The following PCDH17 variants were observed in gnomAD, a reference collection of about 807,000 sequenced individuals.
PCDH17 encodes protocadherin 17.
In PCDH17, 21 loss-of-function variants were observed where a neutral mutation model predicts 67.7. The observed-to-expected ratio is 0.31, with a 90% CI of 0.22 to 0.45. The LOEUF is 0.45. Ranked by LOEUF, PCDH17 falls within the 20% of genes least tolerant of loss-of-function variation. PCDH17 has a pLI of 1.00. For synonymous variants in PCDH17, 701 were observed against 656.7 expected (o/e 1.07, Z -1.03); for missense variants, 1,471 against 1,564.8 (o/e 0.94, Z 1.01).
chr13:57,709,938 G>A (rs908184165), intron 3 of PCDH17, among the ~76,000 whole-genome samples: 2 of 151,758 alleles, frequency 1.3e-5, no homozygotes, highest in African/African-American at 2.4e-5. Flanking sequence ...TAGTATTTCC[G>A]GAAAAGCTGT....
intron 3 of PCDH17, among the ~76,000 whole-genome samples, chr13:57,691,466 C>G (rs2138062225): frequency 6.6e-6 from 1 of 150,700 alleles, no homozygotes; most frequent in African/African-American, 2.4e-5. Flanking sequence ...ATGGAGGAGA[C>G]CAAAAAAACA....
chr13:57,661,674 T>G (rs1336229476), intron 1 of PCDH17, among the ~76,000 whole-genome samples: 1 of 152,118 alleles, frequency 6.6e-6, no homozygotes, highest in Admixed American at 6.5e-5. Flanking sequence ...GTGTGTCTAA[T>G]GTGTAAGGTA....
intron 3 of PCDH17, among the ~76,000 whole-genome samples, chr13:57,671,155 A>T (rs746532128): frequency 9.9e-5 from 15 of 151,916 alleles, no homozygotes; most frequent in Non-Finnish European, 2.1e-4. Context: ...TATAGTAGGT[A>T]GGAAGGTAGA....
intron 3 of PCDH17, among the ~76,000 whole-genome samples, chr13:57,671,514 A>G (rs1336371021): frequency 1.3e-5 from 2 of 151,988 alleles, no homozygotes; most frequent in African/African-American, 4.8e-5. Flanking sequence ...TTCTTTAAGT[A>G]AGTACTGTAT....
At chr13:57,661,758 A>T (rs1216095175) in intron 1 of PCDH17, among the ~76,000 whole-genome samples, 3 of 152,106 alleles carry the variant, frequency 2.0e-5, no homozygotes, top group Non-Finnish European at 1.5e-5. Flanking sequence ...AACTGTTCAT[A>T]TTTGTGTGGG....
At chr13:57,682,248 C>T (rs1955458437) in intron 3 of PCDH17, among the ~76,000 whole-genome samples, 1 of 151,704 alleles carries the variant, frequency 6.6e-6, no homozygotes, top group African/African-American at 2.4e-5. Context: ...TAACATCTGT[C>T]ATTAAGCCGT....
At chr13:57,661,012 G>C (rs1034808914) in intron 1 of PCDH17, among the ~76,000 whole-genome samples, 2 of 151,858 alleles carry the variant, frequency 1.3e-5, no homozygotes, top group Non-Finnish European at 2.9e-5. Flanking sequence ...ATTTTTTTAG[G>C]GTATATCCCT....
chr13:57,637,462 C>T (rs531623166), intron 1 of PCDH17, among the ~76,000 whole-genome samples: 6 of 150,790 alleles, frequency 4.0e-5, no homozygotes, highest in East Asian at 1.9e-4. Flanking sequence ...ACTAGTGTGT[C>T]GCAAACACAC....
Position 57,632,455 on chromosome 13 carries a change from C to T in PCDH17, c.-92C>T. Reference sequence around the variant, plus strand: ...CCATAGACTTGTGGCTCGCGTCGCGCGCGCACGCTGCGCCAGGGCCCCAGG... The same window carrying T: ...CCATAGACTTGTGGCTCGCGTCGCGTGCGCACGCTGCGCCAGGGCCCCAGG... On this transcript the variant is annotated 5_prime_UTR_variant, in exon 1 of 4. Transcript: ENST00000377918. The T allele has an allele frequency of 7.5e-7, 1 of 1,336,172 alleles. No individual in the cohort carries two copies. Among genetic ancestry groups the T allele is most frequent in the Non-Finnish European group, 1.0e-6 (1 of 986,726 alleles). The allele number at this position is 1,336,172 out of a possible 1,614,324, so 82.8% of individuals were successfully genotyped here.
At chr13:57,657,464 A>G (rs2138009781) in intron 1 of PCDH17, among the ~76,000 whole-genome samples, 1 of 152,252 alleles carries the variant, frequency 6.6e-6, no homozygotes, top group South Asian at 2.1e-4. Flanking sequence ...GTGCTGTCAG[A>G]TAACTTTATG....
upstream of PCDH17, among the ~76,000 whole-genome samples, chr13:57,631,432 C>T (rs555041298): frequency 2.0e-5 from 3 of 152,228 alleles, no homozygotes; most frequent in African/African-American, 7.2e-5. Flanking sequence ...CCATGAGTTG[C>T]CTGTTGATTT....
In PCDH17 at chr13:57,634,912, C is replaced by A; in HGVS notation, c.2366C>A (p.Pro789His). 4.3e-6 allele frequency: 7 copies of A among 1,613,908 alleles called. No individual in the cohort carries two copies. Among genetic ancestry groups the A allele is most frequent in the Non-Finnish European group, 5.9e-6 (7 of 1,179,966 alleles). Reference protein sequence around the residue: ...AMNVMNVVSSPSLATSPMYFD... With the variant: ...AMNVMNVVSSHSLATSPMYFD... ...AACGTCATGAACGTGGTGAGCAGCC[C>A]CTCCCTGGCCACCTCCCCCATGTAC... The change falls in exon 1 of 4, where the codon CCC becomes CAC. Residue 789 changes from proline (P) to histidine (H), a missense_variant. This residue lies in a region of PCDH17 where 1,163 missense variants were observed against 1,230.0 expected (regional missense o/e 0.95). Transcript: ENST00000377918. The surrounding 1 kb of genome is among the most constrained non-coding windows in gnomAD (Gnocchi z 7.8).
At chr13:57,647,119 G>T (rs540417414) in intron 1 of PCDH17, among the ~76,000 whole-genome samples, 2 of 151,798 alleles carry the variant, frequency 1.3e-5, no homozygotes, top group South Asian at 4.1e-4. Context: ...TGCTGGCAAT[G>T]TGACTTCCAA....
intron 3 of PCDH17, among the ~76,000 whole-genome samples, chr13:57,721,140 A>G (rs978834838): frequency 1.7e-4 from 26 of 152,086 alleles, no homozygotes; most frequent in African/African-American, 6.3e-4. Flanking sequence ...TGCAATATAA[A>G]CATGCTTATC....
At chr13:57,637,201 A>C (rs1954834629) in intron 1 of PCDH17, among the ~76,000 whole-genome samples, 1 of 152,046 alleles carries the variant, frequency 6.6e-6, no homozygotes. Flanking sequence ...TAAAGACACA[A>C]ACTATGTTTT....
chr13:57,701,938 G>A (rs933913339), intron 3 of PCDH17, among the ~76,000 whole-genome samples: 4 of 151,378 alleles, frequency 2.6e-5, no homozygotes, highest in Non-Finnish European at 5.9e-5. Context: ...TTTTTTTTTG[G>A]ATGGAGTCTT....
chr13:57,650,758 A>T (rs1955026437), intron 1 of PCDH17, among the ~76,000 whole-genome samples: 1 of 152,182 alleles, frequency 6.6e-6, no homozygotes, highest in African/African-American at 2.4e-5. Context: ...CTGAAAATAG[A>T]GAAAGTTGAA....
At chr13:57,640,091 G>GA (rs750260770) in intron 1 of PCDH17, among the ~76,000 whole-genome samples, 4 of 151,668 alleles carry the variant, frequency 2.6e-5, no homozygotes, top group African/African-American at 4.8e-5. Context: ...ATTTTAAGAG[G>GA]AAAAAACCTT....
At position 57,632,289 on chromosome 13, in the gene PCDH17, T is replaced by C. The variant is rs1954735440; in HGVS notation, c.-258T>C. On this transcript the variant is annotated 5_prime_UTR_variant, in exon 1 of 4. Coordinates refer to ENST00000377918, the MANE Select transcript of PCDH17 (RefSeq NM_001040429.3). Reference sequence around the variant, plus strand: ...CCCCCAGCCGCAGGAAGCCACCGCCTTGCTCCAAGCCCCTGCAGCTCTGCT... The same window carrying C: ...CCCCCAGCCGCAGGAAGCCACCGCCCTGCTCCAAGCCCCTGCAGCTCTGCT... 1.9e-6 allele frequency: 1 copy of C among 534,752 alleles called. No individual in the cohort carries two copies. The highest frequency in any genetic ancestry group is 2.5e-5 in the South Asian group (1 of 39,558). The allele number at this position is 534,752 out of a possible 1,614,324, so 33.1% of individuals were successfully genotyped here. A position where few individuals can be genotyped will look rare whatever the true frequency, so the allele number is the denominator to read the frequency against.
Sources: gnomAD v4.1 joint callset for allele counts (sites outside exome capture counted in the v4.1 genomes callset) on GRCh38, gnomAD v4.1.1 for gene constraint, gnomAD v4.1.1 regional missense constraint, Gnocchi (gnomAD v3.1) non-coding constraint, MANE v1.5 for transcripts, NCBI Gene and HGNC (gene_info 2026-07-23, HGNC 2026-07-21) for gene names.